The following RTTN variants were observed in gnomAD, a reference collection of about 807,000 sequenced individuals.
The protein encoded by RTTN is rotatin.
Under a neutral mutation model 269.2 loss-of-function variants are expected in RTTN, and 182 were observed. The observed-to-expected ratio is 0.68, with a 90% CI of 0.60 to 0.76. RTTN has a LOEUF of 0.76. RTTN is among the 30% of genes least tolerant of loss of function. The pLI is 0.00. For missense variants in RTTN, 2,545 were observed against 2,608.6 expected, an observed-to-expected ratio of 0.98 and a Z score of 0.53; for synonymous variants, 1,006 against 963.5, an observed-to-expected ratio of 1.04 and a Z score of -0.82.
At chr18:70,005,078 T>A (rs1599063227) in intron 48 of RTTN, 120 bp downstream of exon 48, 1 of 576,812 alleles carries the variant, frequency 1.7e-6, no homozygotes, top group Admixed American at 3.4e-5. Context: ...AAGCACATAC[T>A]GAATATTGGC....
At position 70,123,150 on chromosome 18, in the gene RTTN, A is replaced by G. The variant is rs75734640; in HGVS notation, c.3384-1450T>C. On this transcript the variant is annotated intron_variant, in intron 25 of 48. Coordinates refer to ENST00000640769, the MANE Select transcript of RTTN (RefSeq NM_173630.4). ...AACTGACCATCCATTTACGGATTCA[A>G]AGTATCAAATTTCTGTCACATAACA... 5.0e-3 allele frequency among the ~76,000 whole-genome samples: 763 copies of G among 152,240 alleles called. 5 individuals carry two copies. Among genetic ancestry groups the G allele is most frequent in the African/African-American group, 0.017 (723 of 41,544 alleles).
chr18:70,182,537 G>C (rs1018674025), intron 10 of RTTN, among the ~76,000 whole-genome samples: 1 of 152,030 alleles, frequency 6.6e-6, no homozygotes, highest in African/African-American at 2.4e-5. Context: ...GAGGAAGGAA[G>C]ACCAGACATT....
chr18:70,105,905 T>C (rs998805180), intron 28 of RTTN, among the ~76,000 whole-genome samples: 8 of 152,148 alleles, frequency 5.3e-5, no homozygotes, highest in Non-Finnish European at 2.9e-5. Flanking sequence ...ACACAATATA[T>C]ATGTATTATG....
At chr18:70,099,045 A>T (rs746385359) in intron 28 of RTTN, among the ~76,000 whole-genome samples, 11 of 152,148 alleles carry the variant, frequency 7.2e-5, no homozygotes, top group Non-Finnish European at 1.5e-4. Flanking sequence ...TCTATTGCTG[A>T]TGGACATTTG....
chr18:70,184,484 G>A lies in RTTN; in HGVS notation c.1305+3624C>T, dbSNP rs775351086. On this transcript the variant is annotated intron_variant, in intron 10 of 48. Transcript: ENST00000640769. ...TGACAGTCACTTGAACCCGGGAGGC[G>A]GACAGTGCAGTGAGCCAAGATCATG... Among the ~76,000 whole-genome samples the A allele has an allele frequency of 8.6e-5, 13 of 151,986 alleles. 1 individual carries two copies. The South Asian group carries it at 1.5e-3, about 17-fold the overall frequency.
chr18:70,075,783 C>T (rs1214300061), intron 32 of RTTN, among the ~76,000 whole-genome samples: 3 of 151,908 alleles, frequency 2.0e-5, no homozygotes, highest in African/African-American at 7.3e-5. Context: ...TCTTGAGGGG[C>T]CATTTCATTT....
intron 27 of RTTN, among the ~76,000 whole-genome samples, chr18:70,111,345 G>A (rs1360457921): frequency 6.6e-6 from 1 of 152,180 alleles, no homozygotes; most frequent in African/African-American, 2.4e-5. Flanking sequence ...CCTCTGGAAC[G>A]AAGCTTCCAG....
At position 70,072,333 on chromosome 18, in the gene RTTN, A is replaced by G. The variant is rs375575440; in HGVS notation, c.4653+1573T>C. Among the ~76,000 whole-genome samples the G allele has an allele frequency of 1.2e-4, 18 of 152,274 alleles. 1 individual carries two copies. In the East Asian group the frequency reaches 3.3e-3, roughly 28 times the overall value. On this transcript the variant is annotated intron_variant, in intron 34 of 48. Transcript: ENST00000640769. ...CATATTACAAAATTCTTTTAAAAAAACTGAAAAGATTCCATTGGTATATAT... is the reference window on the plus strand; with the variant it reads ...CATATTACAAAATTCTTTTAAAAAAGCTGAAAAGATTCCATTGGTATATAT...
chr18:70,004,528 T>G (rs2056121117), intron 48 of RTTN, among the ~76,000 whole-genome samples: 1 of 152,148 alleles, frequency 6.6e-6, no homozygotes, highest in Non-Finnish European at 1.5e-5. Context: ...TCTTTTTTTA[T>G]GTACCATCCT....
At chr18:70,019,342 G>A (rs1034294935) in intron 45 of RTTN, 2 of 152,138 alleles carry the variant, frequency 1.3e-5, no homozygotes, top group African/African-American at 4.8e-5. Context: ...CTATAAGGAA[G>A]TGGTGGAAAG....
intron 35 of RTTN, among the ~76,000 whole-genome samples, chr18:70,065,494 T>C (rs866300993): frequency 6.6e-6 from 1 of 152,078 alleles, no homozygotes; most frequent in Non-Finnish European, 1.5e-5. Flanking sequence ...TACTTTCAAG[T>C]GGATTACTTG....
chr18:70,082,987 C>A (rs1274515697), intron 32 of RTTN, among the ~76,000 whole-genome samples: 1 of 152,166 alleles, frequency 6.6e-6, no homozygotes, highest in African/African-American at 2.4e-5. Context: ...GCCACCACAC[C>A]CAGCTGGGAT....
chr18:70,062,608 CT>C (rs34842071), intron 35 of RTTN, among the ~76,000 whole-genome samples: 15 of 61,862 alleles, frequency 2.4e-4, no homozygotes, highest in African/African-American at 4.3e-4. Context: ...ATCCTCCCCT[CT>C]TTTTTTTTTT....
Position 70,154,294 on chromosome 18 carries a change from C to T in RTTN, c.1930-3561G>A, listed in dbSNP as rs376328255. On this transcript the variant is annotated intron_variant, in intron 14 of 48. Coordinates refer to ENST00000640769, the MANE Select transcript of RTTN (RefSeq NM_173630.4). ...TAGAACTCCTCTAAAAAATTAACAT[C>T]CAGATTATTCCTACTTGAAATTCAT... Among the ~76,000 whole-genome samples, 53 of 151,862 alleles carry T rather than the reference C, an allele frequency of 3.5e-4. No individual in the cohort carries two copies. The East Asian group carries it at 8.1e-3, about 23-fold the overall frequency.
At chr18:70,167,649 C>T (rs1599873303) in intron 12 of RTTN, among the ~76,000 whole-genome samples, 1 of 150,654 alleles carries the variant, frequency 6.6e-6, no homozygotes, top group Non-Finnish European at 1.5e-5. Context: ...GCTTGCAGTG[C>T]GCCAAGACTG....
Position 70,158,968 on chromosome 18 carries a change from T to C in RTTN, c.1929+7094A>G, listed in dbSNP as rs144164232. ...CAAGTTCTTAGAGACCTACAGAGTT[T>C]TAGACAACCACAAAATAATAGTGGG... On this transcript the variant is annotated intron_variant, in intron 14 of 48. Coordinates refer to ENST00000640769, the MANE Select transcript of RTTN (RefSeq NM_173630.4). 3.2e-3 allele frequency among the ~76,000 whole-genome samples: 494 copies of C among 152,198 alleles called. 4 individuals carry two copies. Among genetic ancestry groups the C allele is most frequent in the Non-Finnish European group, 3.4e-3 (230 of 67,994 alleles).
chr18:70,204,091 T>C lies in RTTN; in HGVS notation c.392A>G (p.Gln131Arg), dbSNP rs779204792. Residue 131 changes from glutamine (Q) to arginine (R), a missense_variant, in exon 3 of 49, where the codon CAA (glutamine) becomes CGA (arginine). Transcript: ENST00000640769. ...AACAGATTCCAAAGAGTTACCAGTT[T>C]GATTGGTTTGGTATGAGGCAGAAGA... ...ALSSASYQTN[Q>R]TELSKNPEIL... The C allele has an allele frequency of 6.2e-7, 1 of 1,600,996 alleles. No homozygotes were observed. The highest frequency in any genetic ancestry group is 1.3e-5 in the African/African-American group (1 of 74,220).
At chr18:70,175,503 C>G (rs1036463916) in intron 11 of RTTN, among the ~76,000 whole-genome samples, 1 of 151,880 alleles carries the variant, frequency 6.6e-6, no homozygotes, top group Non-Finnish European at 1.5e-5. Flanking sequence ...AAATAAAAAT[C>G]AGGATATTTA....
intron 30 of RTTN, 57 bp from the exon 31 acceptor site, chr18:70,088,204 T>G: frequency 5.5e-6 from 8 of 1,465,762 alleles, no homozygotes; most frequent in Non-Finnish European, 6.4e-6. Flanking sequence ...CTAACATGAA[T>G]TCTTAGTTTT....
Sources: allele counts gnomAD v4.1 joint callset (sites outside exome capture counted in the v4.1 genomes callset), GRCh38; gene constraint gnomAD v4.1.1; transcripts MANE v1.5; gene names NCBI Gene and HGNC (gene_info 2026-07-23, HGNC 2026-07-21).